The following PRKCI variants were observed in gnomAD, a reference collection of about 807,000 sequenced individuals.
PRKCI encodes protein kinase C iota type.
In PRKCI, 43 loss-of-function variants were observed where a neutral mutation model predicts 84.0. That is an observed-to-expected ratio of 0.51 (90% CI 0.40 to 0.66). PRKCI has a LOEUF of 0.66. Ranked by LOEUF, PRKCI falls within the 30% of genes least tolerant of loss-of-function variation. The probability of loss-of-function intolerance (pLI) is 0.00; values close to 1 mark genes in which losing one functional copy is unlikely to be tolerated. For missense variants in PRKCI, 459 were observed against 745.6 expected, an observed-to-expected ratio of 0.62 and a Z score of 4.48; for synonymous variants, 216 against 234.4, an observed-to-expected ratio of 0.92 and a Z score of 0.72.
intron 7 of PRKCI, among the ~76,000 whole-genome samples, chr3:170,273,660 C>A (rs894488006): frequency 1.3e-5 from 2 of 149,258 alleles, no homozygotes; most frequent in Admixed American, 6.7e-5. Context: ...ACTAAAAATA[C>A]AAAAATTAGC....
intron 2 of PRKCI, among the ~76,000 whole-genome samples, chr3:170,242,945 A>G (rs1237658128): frequency 6.6e-6 from 1 of 151,960 alleles, no homozygotes; most frequent in Non-Finnish European, 1.5e-5. Flanking sequence ...TGCTGGGATT[A>G]CAGGAGTGAG....
intron 14 of PRKCI, among the ~76,000 whole-genome samples, chr3:170,295,271 C>T (rs765035426): frequency 1.4e-4 from 21 of 152,006 alleles, no homozygotes; most frequent in Non-Finnish European, 2.5e-4. Context: ...ACCTGTAATC[C>T]CAGCACTTTG....
chr3:170,239,438 T>C (rs115788686), intron 2 of PRKCI, among the ~76,000 whole-genome samples: 56 of 152,358 alleles, frequency 3.7e-4, no homozygotes, highest in Non-Finnish European at 7.3e-4. Context: ...TTAATCCTGA[T>C]CATTTCATAC....
At chr3:170,291,804 A>T in intron 12 of PRKCI, 50 bp from the exon 13 acceptor site, 1 of 1,454,210 alleles carries the variant, frequency 6.9e-7, no homozygotes, top group Non-Finnish European at 9.6e-7. Context: ...GGGTGAATTT[A>T]AAACAGAACT....
chr3:170,281,723 G>A (rs1577367900), intron 10 of PRKCI, 159 bp from the exon 11 acceptor site: 10 of 911,012 alleles, frequency 1.1e-5, no homozygotes, highest in Admixed American at 3.7e-5. Context: ...TTTCTCGTAT[G>A]TTCCGTACCC....
At chr3:170,242,397 C>T (rs1017073544) in intron 2 of PRKCI, among the ~76,000 whole-genome samples, 1 of 149,142 alleles carries the variant, frequency 6.7e-6, no homozygotes, top group African/African-American at 2.6e-5. Flanking sequence ...GCCAAGATTG[C>T]ACCACTGCAC....
At chr3:170,233,940 C>T (rs550670598) in intron 1 of PRKCI, among the ~76,000 whole-genome samples, 276 of 151,804 alleles carry the variant, frequency 1.8e-3, no homozygotes, top group African/African-American at 6.1e-3. Flanking sequence ...GGGCTGATTT[C>T]GAACTCCTGA....
chr3:170,278,103 T>C (rs1734160848), intron 8 of PRKCI, among the ~76,000 whole-genome samples: 1 of 152,232 alleles, frequency 6.6e-6, no homozygotes, highest in African/African-American at 2.4e-5. Context: ...TGTTTTCTTC[T>C]TTTTTAGGCC....
At chr3:170,228,929 G>A (rs1732711650) in intron 1 of PRKCI, among the ~76,000 whole-genome samples, 1 of 151,872 alleles carries the variant, frequency 6.6e-6, no homozygotes, top group Non-Finnish European at 1.5e-5. Context: ...ATGTCCATGT[G>A]TACCCTTTGT....
chr3:170,279,732 A>C (rs1453351414), intron 8 of PRKCI, among the ~76,000 whole-genome samples: 1 of 152,152 alleles, frequency 6.6e-6, no homozygotes, highest in African/African-American at 2.4e-5. Flanking sequence ...ACTAGCTTAC[A>C]TTCTATGTAT....
chr3:170,232,723 T>G (rs1200158927), intron 1 of PRKCI, among the ~76,000 whole-genome samples: 1 of 152,032 alleles, frequency 6.6e-6, no homozygotes, highest in Non-Finnish European at 1.5e-5. Flanking sequence ...CAAAAAAATT[T>G]TTTTTAGAGA....
chr3:170,239,744 T>G (rs529091014), intron 2 of PRKCI, among the ~76,000 whole-genome samples: 8 of 151,650 alleles, frequency 5.3e-5, no homozygotes, highest in Non-Finnish European at 8.8e-5. Context: ...GTAGAGTGTT[T>G]TTTTTTTTTT....
At chr3:170,245,331 G>A (rs907755692) in intron 2 of PRKCI, among the ~76,000 whole-genome samples, 2 of 152,158 alleles carry the variant, frequency 1.3e-5, no homozygotes, top group Non-Finnish European at 2.9e-5. Flanking sequence ...ACCTACGGGG[G>A]TCTGTGCTAA....
chr3:170,255,716 G>T (rs1285281173), intron 2 of PRKCI, among the ~76,000 whole-genome samples: 1 of 152,130 alleles, frequency 6.6e-6, no homozygotes, highest in East Asian at 1.9e-4. Flanking sequence ...GTGAAAGTGG[G>T]CATCCTTGTC....
At chr3:170,285,330 C>T (rs1356869928) in intron 12 of PRKCI, among the ~76,000 whole-genome samples, 1 of 152,210 alleles carries the variant, frequency 6.6e-6, no homozygotes, top group Non-Finnish European at 1.5e-5. Flanking sequence ...CCGCCTGCCT[C>T]AGCCTCCCAA....
chr3:170,269,178 G>T (rs191540811), intron 5 of PRKCI, among the ~76,000 whole-genome samples: 1 of 152,294 alleles, frequency 6.6e-6, no homozygotes, highest in South Asian at 2.1e-4. Flanking sequence ...GCCTCCCAAA[G>T]TGCTGGGATT....
intron 2 of PRKCI, among the ~76,000 whole-genome samples, chr3:170,252,528 A>G (rs138330161): frequency 2.6e-5 from 4 of 152,258 alleles, no homozygotes; most frequent in East Asian, 3.9e-4. Flanking sequence ...TAAATATACA[A>G]TAAATTTTGT....
intron 6 of PRKCI, among the ~76,000 whole-genome samples, chr3:170,271,654 ACTT>A (rs1379973483): frequency 1.3e-5 from 2 of 151,934 alleles, no homozygotes; most frequent in Non-Finnish European, 2.9e-5. Context: ...TTTGCTCATT[ACTT>A]CTCCATGGTT....
chr3:170,261,213 C>T (rs1310453226), intron 3 of PRKCI, among the ~76,000 whole-genome samples: 1 of 151,178 alleles, frequency 6.6e-6, no homozygotes, highest in African/African-American at 2.4e-5. Context: ...AGTCCTACCA[C>T]CTGGGCCTCC....
Sources: allele counts gnomAD v4.1 joint callset (sites outside exome capture counted in the v4.1 genomes callset), GRCh38; gene constraint gnomAD v4.1.1; transcripts MANE v1.5; gene names NCBI Gene and HGNC (gene_info 2026-07-23, HGNC 2026-07-21).